TBC1D9: variants seen among roughly 807,000 people sequenced by gnomAD.
The protein encoded by TBC1D9 is TBC1 domain family member 9.
TBC1D9 carries 63 observed loss-of-function variants against 132.0 expected under a neutral mutation model. The observed-to-expected ratio is 0.48, with a 90% confidence interval of 0.39 to 0.59. The LOEUF is 0.59. TBC1D9 is among the 20% of genes least tolerant of loss of function. TBC1D9 has a pLI of 0.00. For synonymous variants in TBC1D9, 610 were observed against 609.9 expected (o/e 1.00, Z 0.00); for missense variants, 1,261 against 1,592.7 (o/e 0.79, Z 3.54).
At chr4:140,746,530 T>A (rs1336518478) in intron 1 of TBC1D9, among the ~76,000 whole-genome samples, 3 of 152,146 alleles carry the variant, frequency 2.0e-5, no homozygotes, top group Non-Finnish European at 4.4e-5. Flanking sequence ...TAAAGACATA[T>A]CTGAGAGGGG....
chr4:140,679,326 G>T, intron 4 of TBC1D9, 123 bp from the exon 5 acceptor site: 2 of 1,068,990 alleles, frequency 1.9e-6, no homozygotes, highest in Non-Finnish European at 2.7e-6. Flanking sequence ...TACCATATTT[G>T]TTTTGCTTGT....
chr4:140,643,930 C>A, intron 13 of TBC1D9: 5 of 665,982 alleles, frequency 7.5e-6, no homozygotes, highest in Non-Finnish European at 1.4e-5. Flanking sequence ...GCGGGGCGCT[C>A]GTCCACATCC....
intron 9 of TBC1D9, 51 bp from the exon 10 acceptor site, chr4:140,662,158 T>C: frequency 6.8e-7 from 1 of 1,470,118 alleles, no homozygotes; most frequent in Non-Finnish European, 9.5e-7. Context: ...GCTCTGCCTT[T>C]TGGTTTGCAA....
At chr4:140,742,241 A>T (rs1738769331) in intron 1 of TBC1D9, among the ~76,000 whole-genome samples, 1 of 152,108 alleles carries the variant, frequency 6.6e-6, no homozygotes, top group African/African-American at 2.4e-5. Context: ...AGAACACCTT[A>T]AAAAATGACT....
At chr4:140,643,566 TG>T in intron 13 of TBC1D9, 1 of 881,070 alleles carries the variant, frequency 1.1e-6, no homozygotes, top group Non-Finnish European at 1.8e-6. Flanking sequence ...TAGGCTGGGC[TG>T]GGGCTCGCTC....
intron 1 of TBC1D9, among the ~76,000 whole-genome samples, chr4:140,717,916 A>G (rs778310341): frequency 2.6e-5 from 4 of 152,094 alleles, no homozygotes; most frequent in Non-Finnish European, 5.9e-5. Context: ...CTAGCAATAT[A>G]CTTGTTCTCT....
At chr4:140,736,298 T>C (rs1258474081) in intron 1 of TBC1D9, among the ~76,000 whole-genome samples, 2 of 152,074 alleles carry the variant, frequency 1.3e-5, no homozygotes, top group African/African-American at 4.8e-5. Context: ...CCCAGCACTT[T>C]GGGAGGCCAA....
chr4:140,734,293 G>T (rs547006059), intron 1 of TBC1D9, among the ~76,000 whole-genome samples: 1 of 151,942 alleles, frequency 6.6e-6, no homozygotes, highest in Non-Finnish European at 1.5e-5. Flanking sequence ...CACACTCAGC[G>T]AATTTTTCAT....
chr4:140,633,000 A>T (rs1736822434), intron 16 of TBC1D9, among the ~76,000 whole-genome samples: 1 of 152,312 alleles, frequency 6.6e-6, no homozygotes, highest in Non-Finnish European at 1.5e-5. Flanking sequence ...TACTTTATAC[A>T]ATTTTTGTTT....
Position 140,706,217 on chromosome 4 carries a change from A to G in TBC1D9, c.131-4603T>C. 6.6e-6 allele frequency among the ~76,000 whole-genome samples: 1 copy of G among 152,218 alleles called. No individual in the cohort carries two copies. The highest frequency in any genetic ancestry group is 1.5e-5 in the Non-Finnish European group (1 of 68,034). On this transcript the variant is annotated intron_variant, in intron 1 of 20. Coordinates refer to ENST00000442267, the MANE Select transcript of TBC1D9 (RefSeq NM_015130.3). The surrounding 1 kb of genome is among the most constrained non-coding windows in gnomAD (Gnocchi z 4.0). ...GATCCATCTACTGATGATCAGGGCT[A>G]AAGTTAAACTGGACAGGATCCTAAA...
intron 9 of TBC1D9, 54 bp from the exon 10 acceptor site, chr4:140,662,161 G>T: frequency 1.4e-6 from 2 of 1,396,254 alleles, no homozygotes; most frequent in Non-Finnish European, 1.0e-6. Context: ...CTGCCTTTTG[G>T]TTTGCAACTA....
At chr4:140,673,167 CAAA>C (rs36085828) in intron 6 of TBC1D9, among the ~76,000 whole-genome samples, 4 of 135,190 alleles carry the variant, frequency 3.0e-5, no homozygotes, top group Admixed American at 7.4e-5. Context: ...GACCCCATAT[CAAA>C]AAAAAAAAAA....
intron 1 of TBC1D9, among the ~76,000 whole-genome samples, chr4:140,712,614 C>T (rs1212077319): frequency 1.3e-5 from 2 of 149,986 alleles, no homozygotes; most frequent in African/African-American, 4.9e-5. Flanking sequence ...TAGTGGCGGG[C>T]GCCTGTTGTC....
chr4:140,645,038 G>A (rs1737081981), intron 13 of TBC1D9: 1 of 479,248 alleles, frequency 2.1e-6, no homozygotes, highest in Admixed American at 2.5e-5. Flanking sequence ...GATGGGTTGC[G>A]GGGTCCACAG....
chr4:140,744,182 T>A lies in TBC1D9; in HGVS notation c.130+11734A>T, dbSNP rs1738803236. On this transcript the variant is annotated intron_variant, in intron 1 of 20. Transcript: ENST00000442267. ...TCTGCTTTTGTCTGGTCATGTTTCCTGTCAGCAGCATTTTCCTATTAATAA... is the reference window on the plus strand; with the variant it reads ...TCTGCTTTTGTCTGGTCATGTTTCCAGTCAGCAGCATTTTCCTATTAATAA... Among the ~76,000 whole-genome samples the A allele has an allele frequency of 3.9e-5, 6 of 152,256 alleles. No individual in the cohort carries two copies. The South Asian group carries it at 1.2e-3, about 32-fold the overall frequency.
At chr4:140,714,554 G>A (rs1738300757) in intron 1 of TBC1D9, among the ~76,000 whole-genome samples, 2 of 152,106 alleles carry the variant, frequency 1.3e-5, no homozygotes, top group Non-Finnish European at 2.9e-5. Flanking sequence ...TGTCTCATAG[G>A]TGGCCACTCT....
intron 2 of TBC1D9, among the ~76,000 whole-genome samples, chr4:140,698,315 T>G (rs1292639402): frequency 6.6e-6 from 1 of 152,110 alleles, no homozygotes; most frequent in Non-Finnish European, 1.5e-5. Context: ...TTCCTCTCAC[T>G]CAATCCCCAT....
chr4:140,648,832 A>G (rs968950363), intron 13 of TBC1D9, among the ~76,000 whole-genome samples: 4 of 152,042 alleles, frequency 2.6e-5, no homozygotes, highest in Non-Finnish European at 5.9e-5. Context: ...TCTCTCCCCC[A>G]GACTTAGAAC....
intron 9 of TBC1D9, among the ~76,000 whole-genome samples, chr4:140,662,653 G>C (rs963727660): frequency 2.0e-5 from 3 of 152,184 alleles, no homozygotes; most frequent in East Asian, 1.9e-4. Context: ...AGTGGTAAGA[G>C]TATTCCTAAC....
Sources: gnomAD v4.1 joint callset for allele counts (sites outside exome capture counted in the v4.1 genomes callset) on GRCh38, gnomAD v4.1.1 for gene constraint, Gnocchi (gnomAD v3.1) non-coding constraint, MANE v1.5 for transcripts, NCBI Gene and HGNC (gene_info 2026-07-23, HGNC 2026-07-21) for gene names.